STX2: variants seen among roughly 807,000 people sequenced by gnomAD.
STX2 encodes the protein syntaxin 2.
In STX2, 27 loss-of-function variants were observed where a neutral mutation model predicts 40.6. That is an observed-to-expected ratio of 0.66 (90% CI 0.49 to 0.92). The LOEUF is 0.92. Among genes scored for constraint, STX2 ranks in the 40% least tolerant of loss-of-function variants. STX2 has a pLI of 0.00. For synonymous variants in STX2, 123 were observed against 119.1 expected, an observed-to-expected ratio of 1.03 and a Z score of -0.22; for missense variants, 328 against 366.1, an observed-to-expected ratio of 0.90 and a Z score of 0.85.
chr12:130,809,616 A>C (rs1951570901), intron 4 of STX2, among the ~76,000 whole-genome samples: 1 of 152,206 alleles, frequency 6.6e-6, no homozygotes, highest in African/African-American at 2.4e-5. Flanking sequence ...CAGGGGTTCG[A>C]GACCAGCGTG....
chr12:130,795,887 T>C (rs1951013980), intron 10 of STX2, 108 bp downstream of exon 10: 3 of 1,362,524 alleles, frequency 2.2e-6, no homozygotes, highest in Non-Finnish European at 1.9e-6. Flanking sequence ...TTATCTGTAC[T>C]GCGTGGCTGG....
intron 9 of STX2, 169 bp downstream of exon 9, chr12:130,798,356 A>G: frequency 2.1e-6 from 1 of 486,182 alleles, no homozygotes; most frequent in Non-Finnish European, 3.5e-6. Flanking sequence ...TAATTCATCT[A>G]ATAAACCTTT....
At chr12:130,812,499 C>T in intron 4 of STX2, 2 of 323,850 alleles carry the variant, frequency 6.2e-6, no homozygotes, top group South Asian at 4.7e-5. Context: ...GATCTTGATG[C>T]CATTCTGCAA....
At chr12:130,818,322 G>A (rs1002008511) in intron 3 of STX2, among the ~76,000 whole-genome samples, 4 of 149,998 alleles carry the variant, frequency 2.7e-5, no homozygotes, top group Admixed American at 6.6e-5. Context: ...AGTGGCAGTG[G>A]GCTGAGATCA....
chr12:130,796,115 CT>C lies in STX2; in HGVS notation c.791del (p.Lys264SerfsTer3). ...IKYQSKARRK[K>X]WIIIAVSVVL... The stretch of plus-strand genomic sequence containing the variant: ...CCACTGACACAGCAATAATTATCCA[CT>C]TTTTCTGTCAAAGAAAAGCAAGCTG... On this transcript the variant is annotated frameshift_variant, in exon 10 of 11. Transcript: ENST00000392373. LOFTEE classifies it high-confidence loss of function. 6.2e-7 allele frequency: 1 copy of C among 1,614,078 alleles called. No individual in the cohort carries two copies. Among genetic ancestry groups the C allele is most frequent in the Non-Finnish European group, 8.5e-7 (1 of 1,180,010 alleles).
chr12:130,793,930 T>C (rs933524703), intron 10 of STX2, among the ~76,000 whole-genome samples: 1 of 152,258 alleles, frequency 6.6e-6, no homozygotes, highest in African/African-American at 2.4e-5. Context: ...GATCCTTCTA[T>C]GTTCATTCTT....
At chr12:130,818,478 G>A (rs932171781) in intron 3 of STX2, among the ~76,000 whole-genome samples, 3 of 152,030 alleles carry the variant, frequency 2.0e-5, no homozygotes, top group Non-Finnish European at 4.4e-5. Context: ...CCCCGGGAGA[G>A]GTTAAGTGAT....
At chr12:130,801,109 C>A (rs368635896) in intron 8 of STX2, 44 bp downstream of exon 8, 3 of 1,570,492 alleles carry the variant, frequency 1.9e-6, no homozygotes, top group African/African-American at 2.7e-5. Context: ...AGATTTTACA[C>A]ATGACTGATA....
At chr12:130,801,311 AGAT>A in intron 7 of STX2, 21 bp from the exon 8 acceptor site, 1 of 1,604,154 alleles carries the variant, frequency 6.2e-7, no homozygotes, top group Non-Finnish European at 8.5e-7. Context: ...CAAAAATAAA[AGAT>A]AATATTAATA....
Position 130,811,536 on chromosome 12 carries a change from C to CTTT in STX2, c.280+1418_280+1420dup, listed in dbSNP as rs71088788. On this transcript the variant is annotated intron_variant, in intron 4 of 10. Coordinates refer to ENST00000392373, the MANE Select transcript of STX2 (RefSeq NM_194356.4). ...AAAATGTTAATGTCACCATTAACATCTTTTTTTTTTTTTTTTTTTTTGAGA... is the reference window on the plus strand; with the variant it reads ...AAAATGTTAATGTCACCATTAACATCTTTTTTTTTTTTTTTTTTTTTTTTGAGA... Among the ~76,000 whole-genome samples the CTTT allele has an allele frequency of 2.0e-3, 191 of 95,530 alleles. 5 individuals carry two copies. The highest frequency in any genetic ancestry group is 8.3e-3 in the Middle Eastern group (1 of 120). The allele number at this position is 95,530 out of a possible 152,430, so 62.7% of individuals were successfully genotyped here. A position where few individuals can be genotyped will look rare whatever the true frequency, so the allele number is the denominator to read the frequency against.
chr12:130,828,297 G>A (rs547979622), intron 1 of STX2, among the ~76,000 whole-genome samples: 314 of 151,578 alleles, frequency 2.1e-3, no homozygotes, highest in Non-Finnish European at 3.3e-3. Context: ...GCAGGATCTC[G>A]GCTCACTGCA....
At chr12:130,814,213 G>A (rs528857186) in intron 3 of STX2, among the ~76,000 whole-genome samples, 94 of 152,070 alleles carry the variant, frequency 6.2e-4, no homozygotes, top group African/African-American at 2.1e-3. Flanking sequence ...GTGCAGGCCC[G>A]TGTCATCTAA....
intron 3 of STX2, among the ~76,000 whole-genome samples, chr12:130,818,185 AATATATATATATATATAT>A (rs1168152790): frequency 8.5e-5 from 6 of 70,588 alleles, no homozygotes; most frequent in African/African-American, 7.1e-4. Flanking sequence ...AAAAAAAAAA[AATATATATATATATATAT>A]ATATATATAT....
chr12:130,799,806 C>G (rs937201708), intron 8 of STX2, among the ~76,000 whole-genome samples: 1 of 71,932 alleles, frequency 1.4e-5, no homozygotes, highest in Non-Finnish European at 2.8e-5. Context: ...AGAGCAAGAC[C>G]CTGTCTCAAA....
At chr12:130,799,940 T>TG (rs1195956741) in intron 8 of STX2, among the ~76,000 whole-genome samples, 1 of 152,168 alleles carries the variant, frequency 6.6e-6, no homozygotes, top group Admixed American at 6.5e-5. Flanking sequence ...TGTGTGTGGA[T>TG]GGATTCCTAT....
chr12:130,806,834 C>A, intron 6 of STX2, 148 bp downstream of exon 6: 1 of 695,378 alleles, frequency 1.4e-6, no homozygotes, highest in Middle Eastern at 4.0e-4. Flanking sequence ...GCCTGACTCA[C>A]GGCATAGGAA....
intron 3 of STX2, among the ~76,000 whole-genome samples, chr12:130,818,185 A>AAAAATATATATATATATAT: frequency 2.3e-4 from 16 of 70,520 alleles, no homozygotes; most frequent in African/African-American, 4.7e-4. Context: ...AAAAAAAAAA[A>AAAAATATATATATATATAT]ATATATATAT....
chr12:130,826,727 A>G (rs10848209), intron 2 of STX2, among the ~76,000 whole-genome samples: 86,239 of 151,934 alleles, frequency 0.57, 26,674 homozygotes, highest in East Asian at 0.87. Flanking sequence ...GCCACCAGGC[A>G]CAAGGGCTCA....
Position 130,798,578 on chromosome 12 carries a change from G to A in STX2, c.733C>T (p.His245Tyr), listed in dbSNP as rs144457395. 5 of 1,608,058 alleles carry A rather than the reference G, an allele frequency of 3.1e-6. No individual in the cohort carries two copies. Among genetic ancestry groups the A allele is most frequent in the Non-Finnish European group, 4.2e-6 (5 of 1,178,450 alleles). ...NVMNATDYVE[H>Y]AKEETKKAIK... ...GCTTTTTTTGTTTCTTCTTTAGCGT[G>A]TTCTACATAGTCTGTGGCATTCATA... is the stretch of plus-strand genomic sequence containing the variant. Residue 245 changes from histidine (H) to tyrosine (Y), a missense_variant, in exon 9 of 11, where the codon CAC becomes TAC. Transcript: ENST00000392373.
Sources: allele counts gnomAD v4.1 joint callset (sites outside exome capture counted in the v4.1 genomes callset), GRCh38; gene constraint gnomAD v4.1.1; transcripts MANE v1.5; gene names NCBI Gene and HGNC (gene_info 2026-07-23, HGNC 2026-07-21).